CRTC3: variants seen among roughly 807,000 people sequenced by gnomAD.
CRTC3 encodes CREB regulated transcription coactivator 3, also known as CREB-regulated transcription coactivator 3.
In CRTC3, 26 loss-of-function variants were observed where a neutral mutation model predicts 74.5. The observed-to-expected ratio is 0.35, with a 90% CI of 0.26 to 0.48. The LOEUF (loss-of-function observed/expected upper bound fraction) is 0.48. Ranked by LOEUF, CRTC3 falls within the 20% of genes least tolerant of loss-of-function variation. The pLI is 0.99. For synonymous variants in CRTC3, 377 were observed against 325.8 expected, an observed-to-expected ratio of 1.16 and a Z score of -1.69; for missense variants, 760 against 787.3, an observed-to-expected ratio of 0.97 and a Z score of 0.41.
intron 2 of CRTC3, among the ~76,000 whole-genome samples, chr15:90,589,765 T>C (rs1188267481): frequency 6.6e-6 from 1 of 152,168 alleles, no homozygotes; most frequent in African/African-American, 2.4e-5. Flanking sequence ...GGCATGTGGA[T>C]CACTTGAGGT....
intron 4 of CRTC3, 52 bp downstream of exon 4, chr15:90,602,437 A>G (rs754955569): frequency 1.2e-5 from 12 of 977,770 alleles, no homozygotes; most frequent in Non-Finnish European, 1.9e-5. Flanking sequence ...ATTTTTAGAT[A>G]ATTTCACTTT....
At chr15:90,544,669 T>C (rs1231510726) in intron 2 of CRTC3, among the ~76,000 whole-genome samples, 3 of 152,218 alleles carry the variant, frequency 2.0e-5, no homozygotes, top group African/African-American at 7.2e-5. Flanking sequence ...ATACAGTAAG[T>C]GTATATTAAC....
intron 9 of CRTC3, among the ~76,000 whole-genome samples, chr15:90,620,317 C>T (rs942234100): frequency 5.3e-5 from 8 of 152,128 alleles, no homozygotes; most frequent in African/African-American, 1.7e-4. Flanking sequence ...AATTTAAAAA[C>T]ATAAATGGAA....
intron 5 of CRTC3, among the ~76,000 whole-genome samples, chr15:90,605,917 C>A (rs779992432): frequency 1.3e-5 from 2 of 152,254 alleles, no homozygotes; most frequent in Non-Finnish European, 2.9e-5. Flanking sequence ...ATTTGCTATA[C>A]ATTAGTGGCT....
At position 90,602,917 on chromosome 15, in the gene CRTC3, T is replaced by C. The variant is rs1323902737; in HGVS notation, c.413+532T>C. 2.0e-5 allele frequency among the ~76,000 whole-genome samples: 3 copies of C among 151,676 alleles called. 1 individual carries two copies. Among genetic ancestry groups the C allele is most frequent in the Admixed American group, 2.0e-4 (3 of 15,230 alleles). On this transcript the variant is annotated intron_variant, in intron 4 of 14. Coordinates refer to ENST00000268184, the MANE Select transcript of CRTC3 (RefSeq NM_022769.5). ...TGAACCAGAGAGTCGGAGGTTGCAG[T>C]GAGCTGAGATCACGCCACAGCACTC...
intron 5 of CRTC3, 46 bp downstream of exon 5, chr15:90,604,493 A>G: frequency 7.1e-7 from 1 of 1,400,650 alleles, no homozygotes; most frequent in South Asian, 1.2e-5. Flanking sequence ...AAGCAATTTA[A>G]CTGTCCTGAT....
rs190635742 is a variant in CRTC3, at chr15:90,606,571, T to A, written c.477-807T>A. 3.3e-3 allele frequency among the ~76,000 whole-genome samples: 494 copies of A among 151,732 alleles called. 3 individuals are homozygous for A. The highest frequency in any genetic ancestry group is 0.012 in the African/African-American group (480 of 41,318). Reference sequence around the variant, plus strand: ...AGCGAGACTCTGTCTCAGAAAAAAATAATAAAATAAAATAAAAAAAATATT... The same window carrying A: ...AGCGAGACTCTGTCTCAGAAAAAAAAAATAAAATAAAATAAAAAAAATATT... On this transcript the variant is annotated intron_variant, in intron 5 of 14. Coordinates refer to ENST00000268184, the MANE Select transcript of CRTC3 (RefSeq NM_022769.5).
intron 2 of CRTC3, among the ~76,000 whole-genome samples, chr15:90,542,743 G>C (rs1026458573): frequency 1.3e-5 from 2 of 152,136 alleles, no homozygotes; most frequent in African/African-American, 4.8e-5. Flanking sequence ...CTTCAGTCTG[G>C]AACAGCTTTT....
At chr15:90,619,182 C>A (rs994080220) in intron 8 of CRTC3, among the ~76,000 whole-genome samples, 1 of 152,206 alleles carries the variant, frequency 6.6e-6, no homozygotes, top group Non-Finnish European at 1.5e-5. Context: ...GTCGTCCAGA[C>A]CCAGTGGCTC....
chr15:90,541,515 C>T (rs1404827858), intron 2 of CRTC3, among the ~76,000 whole-genome samples: 1 of 151,994 alleles, frequency 6.6e-6, no homozygotes, highest in African/African-American at 2.4e-5. Context: ...CATATTACTG[C>T]CTGTATTAGA....
At chr15:90,606,349 G>A (rs566976501) in intron 5 of CRTC3, among the ~76,000 whole-genome samples, 1 of 152,180 alleles carries the variant, frequency 6.6e-6, no homozygotes, top group African/African-American at 2.4e-5. Flanking sequence ...ATCACCCGAG[G>A]TCGGGAGTTC....
intron 2 of CRTC3, among the ~76,000 whole-genome samples, chr15:90,561,929 A>G (rs898464841): frequency 2.6e-5 from 4 of 152,206 alleles, no homozygotes; most frequent in Admixed American, 1.3e-4. Flanking sequence ...CATCTGTGGA[A>G]GATTCTACAC....
In CRTC3 at chr15:90,602,703, T is replaced by C. The variant is rs188739922; in HGVS notation, c.413+318T>C. Among the ~76,000 whole-genome samples the C allele has an allele frequency of 9.7e-3, 1,478 of 152,058 alleles. 27 individuals carry two copies. The highest frequency in any genetic ancestry group is 0.033 in the African/African-American group (1,361 of 41,436). On this transcript the variant is annotated intron_variant, in intron 4 of 14. Coordinates refer to ENST00000268184, the MANE Select transcript of CRTC3 (RefSeq NM_022769.5). ...AACAAAACACCTTATTGGCCGGGCA[T>C]GGTGGCTCATGCCTGTAATCCCAGC...
In CRTC3 at chr15:90,644,633, G is replaced by C. The variant is rs1453119312; in HGVS notation, c.*2493G>C. Reference sequence around the variant, plus strand: ...ATTCAATTTGTCCTTAGGTCTATGAGTGAGTCCGATCTTTTCTTGTGAAAG... The same window carrying C: ...ATTCAATTTGTCCTTAGGTCTATGACTGAGTCCGATCTTTTCTTGTGAAAG... On this transcript the variant is annotated 3_prime_UTR_variant, in exon 15 of 15. Coordinates refer to ENST00000268184, the MANE Select transcript of CRTC3 (RefSeq NM_022769.5). 8.6e-6 allele frequency: 2 copies of C among 232,178 alleles called. No homozygotes were observed. Among genetic ancestry groups the C allele is most frequent in the East Asian group, 1.2e-4 (2 of 16,482 alleles). 14.4% of individuals were successfully genotyped at this position (232,178 alleles called of 1,614,324 possible). A position where few individuals can be genotyped will look rare whatever the true frequency, so the allele number is the denominator to read the frequency against.
chr15:90,552,949 AG>A (rs1245007256), intron 2 of CRTC3, among the ~76,000 whole-genome samples: 2 of 152,280 alleles, frequency 1.3e-5, no homozygotes, highest in East Asian at 3.9e-4. Flanking sequence ...TCCCTTAGCC[AG>A]CCCTACTCTT....
intron 1 of CRTC3, among the ~76,000 whole-genome samples, chr15:90,535,346 G>C (rs565407902): frequency 5.9e-5 from 9 of 152,238 alleles, no homozygotes; most frequent in African/African-American, 1.9e-4. Flanking sequence ...GACCAGCTGA[G>C]CCTAGTGCTG....
intron 2 of CRTC3, among the ~76,000 whole-genome samples, chr15:90,554,260 G>A (rs1156290333): frequency 6.6e-6 from 1 of 151,026 alleles, no homozygotes; most frequent in African/African-American, 2.4e-5. Flanking sequence ...CTGGAGTGCA[G>A]TGGCGTGATC....
intron 10 of CRTC3, among the ~76,000 whole-genome samples, chr15:90,627,682 C>T (rs1452117238): frequency 6.6e-6 from 1 of 150,816 alleles, no homozygotes; most frequent in Non-Finnish European, 1.5e-5. Flanking sequence ...AGTGCAGTGG[C>T]GCCATCTCGG....
intron 1 of CRTC3, among the ~76,000 whole-genome samples, chr15:90,532,416 T>G (rs1195880922): frequency 6.6e-6 from 1 of 152,206 alleles, no homozygotes; most frequent in Non-Finnish European, 1.5e-5. Flanking sequence ...GGTAACTGGG[T>G]GGCAGATATA....
Sources: allele counts gnomAD v4.1 joint callset (sites outside exome capture counted in the v4.1 genomes callset), GRCh38; gene constraint gnomAD v4.1.1; transcripts MANE v1.5; gene names NCBI Gene and HGNC (gene_info 2026-07-23, HGNC 2026-07-21).